Variants in DEPDC5 observed in about 807,000 individuals in gnomAD.
The protein encoded by DEPDC5 is DEP domain containing 5, GATOR1 subcomplex subunit, also known as GATOR1 complex protein DEPDC5.
Under a neutral mutation model 217.3 loss-of-function variants are expected in DEPDC5, and 73 were observed. The ratio of observed to expected loss-of-function variants is 0.34; its 90% CI spans 0.28 to 0.41. DEPDC5 has a LOEUF of 0.41. Ranked by LOEUF, DEPDC5 falls within the 10% of genes least tolerant of loss-of-function variation. DEPDC5 has a pLI of 1.00. For missense variants in DEPDC5, 1,675 were observed against 2,070.1 expected, an observed-to-expected ratio of 0.81 and a Z score of 3.70; for synonymous variants, 733 against 756.7, an observed-to-expected ratio of 0.97 and a Z score of 0.51.
At chr22:31,764,398 T>G (rs1401657303) in intron 4 of DEPDC5, among the ~76,000 whole-genome samples, 1 of 152,030 alleles carries the variant, frequency 6.6e-6, no homozygotes, top group Non-Finnish European at 1.5e-5. Context: ...CTTTGAACTT[T>G]CTTATCTTCC....
chr22:31,791,971 T>C (rs1243784279), intron 10 of DEPDC5, 62 bp from the exon 11 acceptor site: 2 of 855,992 alleles, frequency 2.3e-6, no homozygotes, highest in Admixed American at 2.2e-5. Flanking sequence ...ATGCATGCAG[T>C]CTGCTTCATA....
At chr22:31,758,725 C>G in intron 3 of DEPDC5, 92 bp downstream of exon 3, 1 of 1,255,426 alleles carries the variant, frequency 8.0e-7, no homozygotes, top group Non-Finnish European at 1.2e-6. Context: ...TCAAAATGCT[C>G]ATGCTGTGAT....
chr22:31,794,474 ATAT>A (rs1346700276), intron 12 of DEPDC5, among the ~76,000 whole-genome samples: 1 of 152,206 alleles, frequency 6.6e-6, no homozygotes, highest in Non-Finnish European at 1.5e-5. Context: ...ATATGACTAT[ATAT>A]TTTTAATATA....
chr22:31,841,302 GTCC>G (rs2091377993), intron 27 of DEPDC5, among the ~76,000 whole-genome samples: 3 of 152,224 alleles, frequency 2.0e-5, no homozygotes, highest in African/African-American at 7.2e-5. Flanking sequence ...AGCCTCTGCT[GTCC>G]TCCTCTCTCC....
At chr22:31,841,008 A>C (rs1045613857) in intron 27 of DEPDC5, among the ~76,000 whole-genome samples, 2 of 152,276 alleles carry the variant, frequency 1.3e-5, no homozygotes, top group Non-Finnish European at 2.9e-5. Context: ...TGGGGGTGTC[A>C]GGTACGATGT....
At chr22:31,802,892 C>G (rs1441157498) in intron 15 of DEPDC5, 54 bp downstream of exon 15, 6 of 1,503,470 alleles carry the variant, frequency 4.0e-6, no homozygotes, top group African/African-American at 1.4e-5. Flanking sequence ...CTGATTTCCC[C>G]TTAGAACTGT....
chr22:31,796,584 G>A (rs901555030), intron 12 of DEPDC5, among the ~76,000 whole-genome samples: 10 of 152,128 alleles, frequency 6.6e-5, no homozygotes, highest in Non-Finnish European at 1.5e-4. Flanking sequence ...TAGGTCAAAG[G>A]ATAGTCTGTG....
At chr22:31,783,228 C>G (rs932147512) in intron 8 of DEPDC5, among the ~76,000 whole-genome samples, 1 of 152,332 alleles carries the variant, frequency 6.6e-6, no homozygotes, top group East Asian at 1.9e-4. Context: ...CCCCAGCCAG[C>G]AGCGGCAGCC....
At position 31,819,159 on chromosome 22, in the gene DEPDC5, G is replaced by A. The variant is rs745781409; in HGVS notation, c.1804G>A (p.Ala602Thr). 7 of 1,614,108 alleles carry A rather than the reference G, an allele frequency of 4.3e-6. No individual in the cohort carries two copies. The highest frequency in any genetic ancestry group is 1.3e-5 in the African/African-American group (1 of 75,006). Reference protein sequence around the residue: ...TPQRALINPFAPSRMPMKLTS... With the variant: ...TPQRALINPFTPSRMPMKLTS... ...CCAGAGAGCACTGATTAACCCCTTC[G>A]CTCCCTCTCGGATGCCCATGAAGCT... Residue 602 changes from alanine to threonine, a missense_variant, in exon 22 of 43, where the codon GCT (alanine) becomes ACT (threonine). Coordinates refer to ENST00000651528, the MANE Select transcript of DEPDC5 (RefSeq NM_001242896.3).
At chr22:31,851,563 G>A (rs753350788) in intron 31 of DEPDC5, among the ~76,000 whole-genome samples, 4 of 152,176 alleles carry the variant, frequency 2.6e-5, no homozygotes, top group African/African-American at 7.2e-5. Context: ...TCCCTGACTT[G>A]ACTGTGTGCT....
chr22:31,811,054 C>T (rs949822889), intron 20 of DEPDC5, among the ~76,000 whole-genome samples: 2 of 151,810 alleles, frequency 1.3e-5, no homozygotes, highest in Non-Finnish European at 2.9e-5. Flanking sequence ...GGATTAGAGG[C>T]GTGAGCCACT....
intron 7 of DEPDC5, 168 bp downstream of exon 7, chr22:31,769,031 T>C (rs1050224457): frequency 4.2e-5 from 31 of 734,056 alleles, no homozygotes; most frequent in Middle Eastern, 3.7e-4. Flanking sequence ...GAGGCCAAGG[T>C]GGGCGGATCA....
intron 38 of DEPDC5, among the ~76,000 whole-genome samples, chr22:31,880,964 G>A (rs987817412): frequency 8.0e-5 from 12 of 150,788 alleles, no homozygotes; most frequent in African/African-American, 2.7e-4. Flanking sequence ...GCAGTGAGCC[G>A]AGATCGCGCC....
At chr22:31,878,898 G>A (rs755613034) in intron 37 of DEPDC5, among the ~76,000 whole-genome samples, 5 of 151,432 alleles carry the variant, frequency 3.3e-5, no homozygotes, top group African/African-American at 9.7e-5. Context: ...TTAGCCGGGC[G>A]TGGTGGCGCA....
chr22:31,806,139 G>A lies in DEPDC5; in HGVS notation c.1235G>A (p.Ser412Asn), dbSNP rs776187315. The change falls in exon 18 of 43, where the codon AGC becomes AAC. Residue 412 changes from serine to asparagine, a missense_variant. Coordinates refer to ENST00000651528, the MANE Select transcript of DEPDC5 (RefSeq NM_001242896.3). ...WINHSFYTSK[S>N]QLFCNSFTPR... ...TTTTACAGTTTCTACACATCCAAAAGCCAGCTCTTTTGTAATAGTTTCACC... is the reference window on the plus strand; with the variant it reads ...TTTTACAGTTTCTACACATCCAAAAACCAGCTCTTTTGTAATAGTTTCACC... The A allele has an allele frequency of 9.2e-5, 149 of 1,613,664 alleles. No individual in the cohort carries two copies. The highest frequency in any genetic ancestry group is 1.2e-4 in the Non-Finnish European group (147 of 1,179,870).
chr22:31,765,341 G>A (rs1039644309), intron 5 of DEPDC5, among the ~76,000 whole-genome samples: 1 of 152,112 alleles, frequency 6.6e-6, no homozygotes, highest in African/African-American at 2.4e-5. Context: ...CCAGGCTGGA[G>A]TGCAGTGGCG....
chr22:31,758,057 C>T (rs1477146352), intron 2 of DEPDC5, among the ~76,000 whole-genome samples: 1 of 152,130 alleles, frequency 6.6e-6, no homozygotes, highest in African/African-American at 2.4e-5. Flanking sequence ...AGCCACTGCT[C>T]CTGGACTCTC....
At chr22:31,873,050 C>T (rs911997598) in intron 34 of DEPDC5, 6 of 990,444 alleles carry the variant, frequency 6.1e-6, no homozygotes, top group South Asian at 3.6e-5. Context: ...CCACCAAACC[C>T]GGCCCTAAAT....
Position 31,870,682 on chromosome 22 carries a change from C to T in DEPDC5, c.3423C>T (p.Thr1141=). The T allele has an allele frequency of 6.2e-7, 1 of 1,603,294 alleles. No individual in the cohort carries two copies. Among genetic ancestry groups the T allele is most frequent in the East Asian group, 2.3e-5 (1 of 43,678 alleles). Residue 1141 remains threonine (T), a synonymous_variant, in exon 34 of 43, where the codon ACC becomes ACT. Coordinates refer to ENST00000651528, the MANE Select transcript of DEPDC5 (RefSeq NM_001242896.3). ...CCATGGACAGAGGCAACAGCCAGAC[C>T]TTTGGGAACTCCCAGAACATAGGAG... ...GQSMDRGNSQ[T]FGNSQNIGEQ...
Sources: gnomAD v4.1 joint callset for allele counts (sites outside exome capture counted in the v4.1 genomes callset) on GRCh38, gnomAD v4.1.1 for gene constraint, MANE v1.5 for transcripts, NCBI Gene and HGNC (gene_info 2026-07-23, HGNC 2026-07-21) for gene names.